MYH10: variants seen among roughly 807,000 people sequenced by gnomAD.
The protein encoded by MYH10 is myosin heavy chain 10.
A neutral mutation model predicts 257.8 loss-of-function variants in MYH10; 55 were observed. The observed-to-expected ratio is 0.21, with a 90% CI of 0.17 to 0.27. MYH10 has a LOEUF of 0.27. Ranked by LOEUF, MYH10 falls within the 10% of genes least tolerant of loss-of-function variation. The probability of loss-of-function intolerance (pLI) is 1.00; values close to 1 mark genes in which losing one functional copy is unlikely to be tolerated. For missense variants in MYH10, 1,631 were observed against 2,500.6 expected (o/e 0.65, Z 7.42); for synonymous variants, 854 against 921.7 (o/e 0.93, Z 1.33).
intron 19 of MYH10, among the ~76,000 whole-genome samples, chr17:8,519,174 G>A (rs2081569693): frequency 6.6e-6 from 1 of 152,212 alleles, no homozygotes; most frequent in African/African-American, 2.4e-5. Flanking sequence ...AGGTCAAAAA[G>A]TAGGTTTAGG....
intron 2 of MYH10, among the ~76,000 whole-genome samples, chr17:8,608,848 GTCGCCAGGCTGGAGTGCAGTGGCACGATC>G: frequency 7.1e-6 from 1 of 141,504 alleles, no homozygotes; most frequent in South Asian, 2.2e-4. Flanking sequence ...GTCTCGCTCT[GTCGCCAGGCTGGAGTGCAGTGGCACGATC>G]TCGGCTCACT....
rs1442715896 is a variant in MYH10, at chr17:8,545,575, G to A, written c.1304C>T (p.Ala435Val). Residue 435 changes from alanine (A) to valine (V), a missense_variant, in exon 13 of 43, where the codon GCA becomes GTA. Ala to Val is a moderately conservative substitution (Grantham distance 64, BLOSUM62 0). Transcript: ENST00000360416. This position sits in a 1 kb window ranked among gnomAD's most constrained non-coding sequence, Gnocchi z 4.7. ...AAAGAGCCGCTCATAGGTAGCTTTT[G>A]CCAATGCTTCTACTGCAAAATCTGC... The part of the protein sequence containing the change: ...EQADFAVEAL[A>V]KATYERLFRW... 1 of 1,613,204 alleles carries A rather than the reference G, an allele frequency of 6.2e-7. No homozygotes were observed. Among genetic ancestry groups the A allele is most frequent in the South Asian group, 1.1e-5 (1 of 90,896 alleles).
At position 8,604,469 on chromosome 17, in the gene MYH10, C is replaced by T. The variant is rs1180822688; in HGVS notation, c.502+357G>A. 2.0e-5 allele frequency among the ~76,000 whole-genome samples: 3 copies of T among 152,128 alleles called. No individual in the cohort carries two copies. The East Asian group carries it at 5.8e-4, about 29-fold the overall frequency. On this transcript the variant is annotated intron_variant, in intron 3 of 42. Coordinates refer to ENST00000360416, the MANE Select transcript of MYH10 (RefSeq NM_001256012.3). The stretch of plus-strand genomic sequence containing the variant: ...TAATACTTTACAATTTTTCTTTCCC[C>T]AGTGCAGCATCTACCTTTCCTATTA...
At position 8,512,488 on chromosome 17, in the gene MYH10, A is replaced by T; in HGVS notation, c.2915T>A (p.Leu972His). The T allele has an allele frequency of 6.2e-7, 1 of 1,613,130 alleles. No individual in the cohort carries two copies. The highest frequency in any genetic ancestry group is 2.2e-5 in the East Asian group (1 of 44,850). The change falls in exon 24 of 43, where the codon CTC becomes CAC. Residue 972 changes from leucine (L) to histidine (H), a missense_variant. By Grantham distance (99) the Leu-to-His change is moderately conservative (BLOSUM62 -3). This residue lies in a region of MYH10 where 169 missense variants were observed against 249.8 expected (regional missense o/e 0.68). Coordinates refer to ENST00000360416, the MANE Select transcript of MYH10 (RefSeq NM_001256012.3). Reference sequence around the variant, plus strand: ...TTGCATTTTTTTCTTTTCATTTTGGAGGATTTGGTTTCTTTCTTCTTCTTC... The same window carrying T: ...TTGCATTTTTTTCTTTTCATTTTGGTGGATTTGGTTTCTTTCTTCTTCTTC... ...VEEEEERNQI[L>H]QNEKKKMQAH...
At position 8,475,854 on chromosome 17, in the gene MYH10, C is replaced by G; in HGVS notation, c.5974G>C (p.Glu1992Gln). The change falls in exon 43 of 43, where the codon GAA becomes CAA. Residue 1992 changes from glutamate (E) to glutamine (Q), a missense_variant. Physicochemically the swap from Glu to Gln is conservative, Grantham distance 29. Around this residue, in one of 11 missense-constraint regions of MYH10, gnomAD observed 343 missense variants for 389.5 expected, o/e 0.88. Coordinates refer to ENST00000360416, the MANE Select transcript of MYH10 (RefSeq NM_001256012.3). ...TCGTTGACATCACTGGTCTTACTTT[C>G]TGTGTCATCGTCGGAGAGCTCCAGG... ...ASLELSDDDT[E>Q]SKTSDVNETQ... 6.2e-7 allele frequency: 1 copy of G among 1,614,246 alleles called. No homozygotes were observed. The highest frequency in any genetic ancestry group is 8.5e-7 in the Non-Finnish European group (1 of 1,180,052).
Position 8,535,776 on chromosome 17 carries a change from A to G in MYH10, c.1761T>C (p.Ile587=), listed in dbSNP as rs1235611005. The change falls in exon 15 of 43, where the codon ATT becomes ATC. Residue 587 remains isoleucine (I), a synonymous_variant. Coordinates refer to ENST00000360416, the MANE Select transcript of MYH10 (RefSeq NM_001256012.3). The surrounding 1 kb of genome is among the most constrained non-coding windows in gnomAD (Gnocchi z 4.3). ...RQLKDKADFC[I]IHYAGKVDYK... ...CTCTTACCTTCCCTGCATAATGTAT[A>G]ATGCAAAAATCAGCTTTGTCTTTTA... 6.2e-7 allele frequency: 1 copy of G among 1,614,008 alleles called. No individual in the cohort carries two copies. The highest frequency in any genetic ancestry group is 2.2e-5 in the East Asian group (1 of 44,894).
chr17:8,552,694 A>G lies in MYH10; in HGVS notation c.821-550T>C, dbSNP rs765474578. Among the ~76,000 whole-genome samples, 1 of 152,204 alleles carries G rather than the reference A, an allele frequency of 6.6e-6. No homozygotes were observed. Among genetic ancestry groups the G allele is most frequent in the Non-Finnish European group, 1.5e-5 (1 of 68,032 alleles). On this transcript the variant is annotated intron_variant, in intron 8 of 42. Coordinates refer to ENST00000360416, the MANE Select transcript of MYH10 (RefSeq NM_001256012.3). The surrounding 1 kb of genome is among the most constrained non-coding windows in gnomAD (Gnocchi z 4.8). Reference sequence around the variant, plus strand: ...TACCCTATTGAAAGCCTCCTATATGAGAGGCACTCGCCCTTCACACTCAGC... The same window carrying G: ...TACCCTATTGAAAGCCTCCTATATGGGAGGCACTCGCCCTTCACACTCAGC...
chr17:8,575,202 T>C (rs1355169561), intron 6 of MYH10, among the ~76,000 whole-genome samples: 2 of 152,198 alleles, frequency 1.3e-5, no homozygotes, highest in African/African-American at 4.8e-5. Context: ...GGGGTAGGCA[T>C]GCTACTCACA....
At chr17:8,577,404 C>G in intron 4 of MYH10, 66 bp from the exon 5 acceptor site, 1 of 855,648 alleles carries the variant, frequency 1.2e-6, no homozygotes. Flanking sequence ...AAAATTACAA[C>G]TGATAAAATT....
chr17:8,517,935 A>G (rs1955040571), intron 21 of MYH10, among the ~76,000 whole-genome samples: 1 of 151,978 alleles, frequency 6.6e-6, no homozygotes, highest in South Asian at 2.1e-4. Context: ...CTCCCTTCAC[A>G]GGGCCAGCCT....
intron 2 of MYH10, among the ~76,000 whole-genome samples, chr17:8,607,826 A>G (rs764900464): frequency 1.4e-4 from 21 of 152,230 alleles, no homozygotes; most frequent in Non-Finnish European, 2.8e-4. Flanking sequence ...AAAAAGAGAA[A>G]GAGAAAGATG....
At chr17:8,598,874 T>A (rs2084488872) in intron 3 of MYH10, among the ~76,000 whole-genome samples, 1 of 152,134 alleles carries the variant, frequency 6.6e-6, no homozygotes, top group African/African-American at 2.4e-5. Flanking sequence ...ATCTGGCTAA[T>A]TTTTTTATTT....
intron 41 of MYH10, 42 bp downstream of exon 41, chr17:8,478,294 TTC>T: frequency 6.6e-7 from 1 of 1,521,446 alleles, no homozygotes; most frequent in South Asian, 1.1e-5. Flanking sequence ...TCTCCACCAG[TTC>T]CTTTGCTCAC....
chr17:8,578,243 C>CTTTTTTTTTTTTT (rs5819199), intron 4 of MYH10, among the ~76,000 whole-genome samples: 3 of 129,220 alleles, frequency 2.3e-5, no homozygotes, highest in Admixed American at 8.1e-5. Context: ...TTCTTTCTTT[C>CTTTTTTTTTTTTT]TTTTTTTTTT....
intron 13 of MYH10, among the ~76,000 whole-genome samples, chr17:8,544,231 C>T (rs1268384497): frequency 6.6e-6 from 1 of 152,188 alleles, no homozygotes; most frequent in Non-Finnish European, 1.5e-5. Context: ...TTACCATCTA[C>T]ATAAATGTCA....
At chr17:8,526,764 A>C (rs999235612) in intron 17 of MYH10, among the ~76,000 whole-genome samples, 1 of 152,244 alleles carries the variant, frequency 6.6e-6, no homozygotes, top group Non-Finnish European at 1.5e-5. Flanking sequence ...AGACGGGGCC[A>C]TAAGATTTTT....
intron 21 of MYH10, among the ~76,000 whole-genome samples, chr17:8,514,479 T>C (rs2081399581): frequency 6.6e-6 from 1 of 152,032 alleles, no homozygotes; most frequent in African/African-American, 2.4e-5. Context: ...TGTGGAGCCC[T>C]CACCTCCTTG....
chr17:8,586,071 C>T (rs978778061), intron 4 of MYH10, among the ~76,000 whole-genome samples: 2 of 152,148 alleles, frequency 1.3e-5, no homozygotes, highest in South Asian at 4.1e-4. Flanking sequence ...GCCACTGACC[C>T]CTCCCAGGGA....
chr17:8,488,483 C>T (rs115839075), intron 35 of MYH10, among the ~76,000 whole-genome samples: 1,834 of 152,298 alleles, frequency 0.012, 32 homozygotes, highest in African/African-American at 0.042. Flanking sequence ...ATGAATGTTT[C>T]GTCATGTATT....
Sources: allele counts gnomAD v4.1 joint callset (sites outside exome capture counted in the v4.1 genomes callset), GRCh38; gene constraint gnomAD v4.1.1; regional missense constraint gnomAD v4.1.1; non-coding constraint Gnocchi (gnomAD v3.1); transcripts MANE v1.5; gene names NCBI Gene and HGNC (gene_info 2026-07-23, HGNC 2026-07-21).